The following AP3D1 variants were observed in gnomAD, a reference collection of about 807,000 sequenced individuals.
AP3D1 encodes AP-3 complex subunit delta-1.
AP3D1 carries 51 observed loss-of-function variants against 147.6 expected under a neutral mutation model. The ratio of observed to expected loss-of-function variants is 0.35; its 90% CI spans 0.28 to 0.44. The LOEUF (loss-of-function observed/expected upper bound fraction) is 0.44, where lower values mean the gene tolerates loss of function less well. Among genes scored for constraint, AP3D1 ranks in the 20% least tolerant of loss-of-function variants. The pLI is 1.00. For missense variants in AP3D1, 1,421 were observed against 1,624.2 expected (o/e 0.87, Z 2.15); for synonymous variants, 760 against 663.0 (o/e 1.15, Z -2.25).
At chr19:2,121,678 A>G in intron 12 of AP3D1, 56 bp downstream of exon 12, 1 of 1,523,478 alleles carries the variant, frequency 6.6e-7, no homozygotes. Context: ...CCTGACACTT[A>G]ATGTCCCTTA....
In AP3D1 at chr19:2,124,581, G is replaced by A. The variant is rs551615082; in HGVS notation, c.857-702C>T. ...TACAGGAGACCGTGTGTGCGTGTGC[G>A]TGTGCATGTGTTTTCTTTTTAAGAC... is the stretch of plus-strand genomic sequence containing the variant. On this transcript the variant is annotated intron_variant, in intron 9 of 31. Transcript: ENST00000643116. Among the ~76,000 whole-genome samples, 11 of 152,286 alleles carry A rather than the reference G, an allele frequency of 7.2e-5. 1 individual carries two copies. Among genetic ancestry groups the A allele is most frequent in the South Asian group, 6.2e-4 (3 of 4,818 alleles).
At chr19:2,113,666 G>A (rs2145032136) in intron 22 of AP3D1, among the ~76,000 whole-genome samples, 1 of 152,362 alleles carries the variant, frequency 6.6e-6, no homozygotes, top group South Asian at 2.1e-4. Context: ...CCAGTGGTCA[G>A]AAGGCCCGTG....
chr19:2,111,069 T>G, intron 26 of AP3D1, 173 bp from the exon 27 acceptor site: 1 of 911,820 alleles, frequency 1.1e-6, no homozygotes, highest in Non-Finnish European at 1.6e-6. Flanking sequence ...GCTCTTTGAG[T>G]GCATGGCGGG....
intron 15 of AP3D1, 142 bp downstream of exon 15, chr19:2,118,459 C>A: frequency 1.2e-6 from 1 of 832,266 alleles, no homozygotes; most frequent in Non-Finnish European, 1.8e-6. Context: ...CCCCAAACCC[C>A]AGCTGGCACA....
chr19:2,137,745 G>T lies in AP3D1; in HGVS notation c.255C>A (p.Ala85=). Reference sequence around the variant, plus strand: ...ACCTCACCTTGAAGGTGAACTTGGAGGCACTCATCACTTCTATGATGTTGA... The same window carrying T: ...ACCTCACCTTGAAGGTGAACTTGGATGCACTCATCACTTCTATGATGTTGA... The part of the protein sequence containing the change: ...AAFNIIEVMS[A]SKFTFKRIGY... Residue 85 remains alanine, a synonymous_variant, in exon 3 of 32, where the codon GCC becomes GCA. Coordinates refer to ENST00000643116, the MANE Select transcript of AP3D1 (RefSeq NM_001261826.3). 1 of 1,613,972 alleles carries T rather than the reference G, an allele frequency of 6.2e-7. No individual in the cohort carries two copies. Among genetic ancestry groups the T allele is most frequent in the South Asian group, 1.1e-5 (1 of 91,078 alleles).
intron 14 of AP3D1, among the ~76,000 whole-genome samples, chr19:2,119,699 CAA>C (rs954635585): frequency 7.5e-4 from 19 of 25,358 alleles, no homozygotes; most frequent in African/African-American, 2.7e-3. Context: ...GACTCTGTCT[CAA>C]AAAAAAAAAA....
At chr19:2,123,266 GC>G in intron 11 of AP3D1, 91 bp downstream of exon 11, 1 of 1,293,424 alleles carries the variant, frequency 7.7e-7, no homozygotes, top group Non-Finnish European at 1.1e-6. Context: ...GGTTGCAGAT[GC>G]CGTGTCCACT....
In AP3D1 at chr19:2,114,137, C is replaced by T. The variant is rs953645187; in HGVS notation, c.2589G>A (p.Glu863=). 4 of 1,558,420 alleles carry T rather than the reference C, an allele frequency of 2.6e-6. No individual in the cohort carries two copies. Among genetic ancestry groups the T allele is most frequent in the Non-Finnish European group, 3.5e-6 (4 of 1,151,328 alleles). The change falls in exon 22 of 32, where the codon GAG becomes GAA. Residue 863 remains glutamate (E), a synonymous_variant. Coordinates refer to ENST00000643116, the MANE Select transcript of AP3D1 (RefSeq NM_001261826.3). ...GCACTAGCCTTACCTTCTTCTCCTT[C>T]TCCTTCTTCTTCTCCTTGTCTCTCT... ...EKERDKEKKK[E]KEKKAEDLDF... is the part of the protein sequence containing the mutation.
At chr19:2,136,319 C>T (rs2019076056) in intron 4 of AP3D1, among the ~76,000 whole-genome samples, 1 of 152,224 alleles carries the variant, frequency 6.6e-6, no homozygotes. Flanking sequence ...CTTCAGGTCA[C>T]ACTGTGGGGT....
chr19:2,133,825 A>G (rs1391040272), intron 4 of AP3D1, among the ~76,000 whole-genome samples: 4 of 146,384 alleles, frequency 2.7e-5, no homozygotes, highest in South Asian at 5.0e-4. Flanking sequence ...AAAAGGACAC[A>G]GTGGCCGTGC....
At chr19:2,160,230 T>A (rs2019685162) in intron 1 of AP3D1, among the ~76,000 whole-genome samples, 2 of 152,058 alleles carry the variant, frequency 1.3e-5, no homozygotes, top group South Asian at 4.1e-4. Flanking sequence ...GAAAGAGATG[T>A]ACAAAAGTGG....
chr19:2,106,813 T>C (rs1285391876), intron 31 of AP3D1, among the ~76,000 whole-genome samples: 1 of 152,152 alleles, frequency 6.6e-6, no homozygotes, highest in Non-Finnish European at 1.5e-5. Flanking sequence ...AAGGATACAT[T>C]CCGTGTGGTT....
intron 22 of AP3D1, 53 bp from the exon 23 acceptor site, chr19:2,113,466 A>C: frequency 8.7e-7 from 1 of 1,154,432 alleles, no homozygotes; most frequent in Non-Finnish European, 1.2e-6. Context: ...TCCTGGGAAG[A>C]GGGGACGGGG....
intron 8 of AP3D1, among the ~76,000 whole-genome samples, chr19:2,128,428 T>G (rs935738383): frequency 6.6e-6 from 1 of 150,748 alleles, no homozygotes; most frequent in African/African-American, 2.4e-5. Flanking sequence ...GGGGCCGGGC[T>G]TGCAGCCACT....
At chr19:2,126,778 G>A (rs1194021743) in intron 9 of AP3D1, among the ~76,000 whole-genome samples, 4 of 152,116 alleles carry the variant, frequency 2.6e-5, no homozygotes, top group African/African-American at 7.2e-5. Context: ...AAAATGCAGT[G>A]TACTGTGAGA....
Position 2,113,519 on chromosome 19 carries a change from G to A in AP3D1, c.2602-106C>T, listed in dbSNP as rs2240652. On this transcript the variant is annotated intron_variant, in intron 22 of 31. Transcript: ENST00000643116. ...GCCCCAGCTGCCCTCGCTGCCCCCA[G>A]GGTCCTGGACTAGCTGGGCCTTGCA... 28,815 of 645,974 alleles carry A rather than the reference G, an allele frequency of 0.045. 1,720 individuals are homozygous for A. The highest frequency in any genetic ancestry group is 0.18 in the East Asian group (5,388 of 30,300). The allele number at this position is 645,974 out of a possible 1,614,324, so 40.0% of individuals were successfully genotyped here. A position where few individuals can be genotyped will look rare whatever the true frequency, so the allele number is the denominator to read the frequency against.
chr19:2,109,338 G>C (rs1400422420), intron 29 of AP3D1, 131 bp from the exon 30 acceptor site: 14 of 1,263,016 alleles, frequency 1.1e-5, no homozygotes, highest in Middle Eastern at 2.7e-4. Flanking sequence ...GGGAGGTCTT[G>C]GGGGTCCTGG....
In AP3D1 at chr19:2,137,065, C is replaced by T. The variant is rs770850554; in HGVS notation, c.300G>A (p.Gln100=). 3 of 1,594,702 alleles carry T rather than the reference C, an allele frequency of 1.9e-6. 1 individual carries two copies. In the South Asian group the frequency reaches 3.4e-5, roughly 18 times the overall value. Residue 100 remains glutamine, a synonymous_variant, in exon 4 of 32, where the codon CAG becomes CAA. Coordinates refer to ENST00000643116, the MANE Select transcript of AP3D1 (RefSeq NM_001261826.3). ...TGACGTCGGTGCCTTCGTGAAAGCT[C>T]TGGGAAGCAGCGAGGTAGCCAATTC... ...FKRIGYLAAS[Q]SFHEGTDVIM...
At position 2,111,719 on chromosome 19, in the gene AP3D1, TC is replaced by T; in HGVS notation, c.2896del (p.Glu966SerfsTer30). The T allele has an allele frequency of 1.2e-6, 2 of 1,603,310 alleles. No homozygotes were observed. On this transcript the variant is annotated frameshift_variant, in exon 25 of 32. Coordinates refer to ENST00000643116, the MANE Select transcript of AP3D1 (RefSeq NM_001261826.3). LOFTEE classifies it high-confidence loss of function. ...QPPGSEEAAG[E>X]PVQNGAPEEE... ...CTCTGGCGCGCCATTCTGCACCGGC[TC>T]CCCCGCTGCCTCCTCGCTGCCTGGA...
Sources: gnomAD v4.1 joint callset for allele counts (sites outside exome capture counted in the v4.1 genomes callset) on GRCh38, gnomAD v4.1.1 for gene constraint, MANE v1.5 for transcripts, NCBI Gene and HGNC (gene_info 2026-07-23, HGNC 2026-07-21) for gene names.